ADCK1: variants seen among roughly 807,000 people sequenced by gnomAD.
ADCK1 encodes aarF domain-containing protein kinase 1.
In ADCK1, 41 loss-of-function variants were observed where a neutral mutation model predicts 52.3. The ratio of observed to expected loss-of-function variants is 0.78; its 90% CI spans 0.61 to 1.02. The LOEUF (loss-of-function observed/expected upper bound fraction) is 1.02. Among genes scored for constraint, ADCK1 ranks in the 50% least tolerant of loss-of-function variants. The pLI is 0.00. For missense variants in ADCK1, 658 were observed against 679.5 expected (o/e 0.97, Z 0.35); for synonymous variants, 250 against 274.6 (o/e 0.91, Z 0.89).
intron 3 of ADCK1, among the ~76,000 whole-genome samples, chr14:77,842,484 C>T (rs1408752634): frequency 2.1e-5 from 3 of 141,014 alleles, no homozygotes; most frequent in Non-Finnish European, 4.6e-5. Context: ...TCCTTCCTTC[C>T]TTCCTTCCTT....
intron 9 of ADCK1, 85 bp from the exon 10 acceptor site, chr14:77,931,433 T>C: frequency 7.1e-7 from 1 of 1,417,426 alleles, no homozygotes; most frequent in Non-Finnish European, 9.6e-7. Context: ...TGCAGCCCTC[T>C]GGTCACAGCC....
chr14:77,913,111 G>C (rs535689507), intron 7 of ADCK1, among the ~76,000 whole-genome samples: 1 of 152,260 alleles, frequency 6.6e-6, no homozygotes, highest in South Asian at 2.1e-4. Flanking sequence ...GAATCACCAG[G>C]GGAGCTTATT....
chr14:77,875,713 G>T (rs2082885078), intron 4 of ADCK1, among the ~76,000 whole-genome samples: 1 of 152,148 alleles, frequency 6.6e-6, no homozygotes, highest in South Asian at 2.1e-4. Context: ...GAGGAAATTG[G>T]GCTCCTTGGG....
intron 4 of ADCK1, among the ~76,000 whole-genome samples, chr14:77,861,122 G>C (rs941187477): frequency 3.3e-5 from 5 of 152,170 alleles, no homozygotes; most frequent in African/African-American, 4.8e-5. Flanking sequence ...GATTAGCCCT[G>C]AGCACAGTGG....
intron 1 of ADCK1, among the ~76,000 whole-genome samples, chr14:77,806,136 C>T (rs1474884136): frequency 4.0e-5 from 6 of 151,340 alleles, no homozygotes; most frequent in Non-Finnish European, 7.4e-5. Context: ...TATGTTGCCC[C>T]GGCTGGTCTG....
chr14:77,904,075 C>T (rs2083605454), intron 6 of ADCK1, among the ~76,000 whole-genome samples: 1 of 152,110 alleles, frequency 6.6e-6, no homozygotes, highest in Non-Finnish European at 1.5e-5. Context: ...TGTTCACCCT[C>T]CATATGGTTT....
At chr14:77,821,609 G>A (rs1275372720) in intron 2 of ADCK1, among the ~76,000 whole-genome samples, 2 of 151,934 alleles carry the variant, frequency 1.3e-5, no homozygotes, top group African/African-American at 2.4e-5. Flanking sequence ...GGCCAGGCGC[G>A]GTGGCTCATG....
intron 3 of ADCK1, among the ~76,000 whole-genome samples, chr14:77,842,012 G>A (rs1218336922): frequency 6.6e-6 from 1 of 152,080 alleles, no homozygotes; most frequent in East Asian, 1.9e-4. Context: ...GATCGCCTAA[G>A]CCCAGGAGTT....
At chr14:77,871,506 C>G (rs560326593) in intron 4 of ADCK1, among the ~76,000 whole-genome samples, 1 of 152,062 alleles carries the variant, frequency 6.6e-6, no homozygotes, top group Non-Finnish European at 1.5e-5. Context: ...TACAGTCATG[C>G]GCCACCAAGC....
chr14:77,931,531 G>T lies in ADCK1; in HGVS notation c.1220G>T (p.Arg407Leu). ...PVTATEDLEI[R>L]NNAANYLPQI... is the part of the protein sequence containing the mutation. ...TTGCTGCTTCAGGACTTAGAGATTCGCAACAACGCGGCCAACTACCTCCCC... is the reference window on the plus strand; with the variant it reads ...TTGCTGCTTCAGGACTTAGAGATTCTCAACAACGCGGCCAACTACCTCCCC... The change falls in exon 10 of 11, where the codon CGC becomes CTC. Residue 407 changes from arginine to leucine, a missense_variant. Physicochemically the swap from Arg to Leu is moderately radical, Grantham distance 102. Coordinates refer to ENST00000238561, the MANE Select transcript of ADCK1 (RefSeq NM_020421.4). The T allele has an allele frequency of 6.2e-7, 1 of 1,613,134 alleles. No homozygotes were observed. The highest frequency in any genetic ancestry group is 1.3e-5 in the African/African-American group (1 of 74,996).
intron 6 of ADCK1, among the ~76,000 whole-genome samples, chr14:77,903,602 G>A (rs1016330153): frequency 1.3e-5 from 2 of 152,172 alleles, no homozygotes; most frequent in Non-Finnish European, 2.9e-5. Flanking sequence ...CAAGTGGTAG[G>A]GTTTGTGACT....
At position 77,822,588 on chromosome 14, in the gene ADCK1, G is replaced by T. The variant is rs571107264; in HGVS notation, c.219+70G>T. The stretch of plus-strand genomic sequence containing the variant: ...AACCCTTGAACTGCTATGCTCTAGT[G>T]ATCCTCCCACCTCACCCCCGCAAAG... On this transcript the variant is annotated intron_variant, in intron 3 of 10. Coordinates refer to ENST00000238561, the MANE Select transcript of ADCK1 (RefSeq NM_020421.4). The T allele has an allele frequency of 2.3e-6, 3 of 1,319,128 alleles. No homozygotes were observed. The East Asian group carries it at 6.9e-5, about 30-fold the overall frequency. The allele number at this position is 1,319,128 out of a possible 1,614,324, so 81.7% of individuals were successfully genotyped here.
At chr14:77,811,959 G>A (rs187996439) in intron 1 of ADCK1, among the ~76,000 whole-genome samples, 2 of 152,242 alleles carry the variant, frequency 1.3e-5, no homozygotes, top group East Asian at 3.9e-4. Flanking sequence ...AGAAAGCAAG[G>A]TTTTAATTTA....
At chr14:77,815,520 A>G (rs1269952812) in intron 1 of ADCK1, among the ~76,000 whole-genome samples, 1 of 131,118 alleles carries the variant, frequency 7.6e-6, no homozygotes, top group Non-Finnish European at 1.6e-5. Context: ...AGGCACCTGC[A>G]TTTTTTTTTT....
At chr14:77,893,616 A>G (rs1395724545) in intron 5 of ADCK1, among the ~76,000 whole-genome samples, 1 of 151,950 alleles carries the variant, frequency 6.6e-6, no homozygotes, top group Non-Finnish European at 1.5e-5. Context: ...GCTTGATGTC[A>G]TCTGGCCCAT....
At chr14:77,856,230 A>T (rs1245339953) in intron 3 of ADCK1, among the ~76,000 whole-genome samples, 1 of 152,172 alleles carries the variant, frequency 6.6e-6, no homozygotes, top group Non-Finnish European at 1.5e-5. Flanking sequence ...AAATTTGGGA[A>T]ATACAGAAAA....
In ADCK1 at chr14:77,931,652, CCG is replaced by C. The variant is rs1264311811; in HGVS notation, c.1345_1346del (p.Ala449GlnfsTer18). ...GTGGCATTGAGGCCGCCCTGGGCAC[CCG>C]CGCCAGCGCCAGCTCCTTTCTCAAC... ...LRGIEAALGTRASASSFLNMS... is the reference protein window; with the variant it reads ...LRGIEAALGTXASASSFLNMS... On this transcript the variant is annotated frameshift_variant, in exon 10 of 11. Coordinates refer to ENST00000238561, the MANE Select transcript of ADCK1 (RefSeq NM_020421.4). LOFTEE classifies it high-confidence loss of function. The C allele has an allele frequency of 1.2e-6, 2 of 1,610,814 alleles. No homozygotes were observed. Among genetic ancestry groups the C allele is most frequent in the Non-Finnish European group, 8.5e-7 (1 of 1,180,030 alleles).
intron 5 of ADCK1, among the ~76,000 whole-genome samples, chr14:77,897,840 G>A (rs539193070): frequency 2.6e-4 from 39 of 152,292 alleles, no homozygotes; most frequent in Admixed American, 2.4e-3. Flanking sequence ...AGAACAGATC[G>A]GGGAGCAGCC....
intron 3 of ADCK1, among the ~76,000 whole-genome samples, chr14:77,855,896 A>T (rs186384042): frequency 5.9e-5 from 9 of 152,262 alleles, no homozygotes; most frequent in African/African-American, 1.9e-4. Context: ...AATATTTATT[A>T]TTCATAAGAA....
Sources: gnomAD v4.1 joint callset for allele counts (sites outside exome capture counted in the v4.1 genomes callset) on GRCh38, gnomAD v4.1.1 for gene constraint, MANE v1.5 for transcripts, NCBI Gene and HGNC (gene_info 2026-07-23, HGNC 2026-07-21) for gene names.